NGEF: variants seen among roughly 807,000 people sequenced by gnomAD.
NGEF encodes ephexin-1.
In NGEF, 31 loss-of-function variants were observed where a neutral mutation model predicts 80.9. The observed-to-expected ratio is 0.38, with a 90% CI of 0.29 to 0.52. The LOEUF (loss-of-function observed/expected upper bound fraction) is 0.52. Ranked by LOEUF, NGEF falls within the 20% of genes least tolerant of loss-of-function variation. The pLI is 0.84. For synonymous variants in NGEF, 371 were observed against 370.2 expected, an observed-to-expected ratio of 1.00 and a Z score of -0.03; for missense variants, 709 against 926.2, an observed-to-expected ratio of 0.77 and a Z score of 3.04.
At chr2:232,916,505 C>T (rs914412441) in intron 5 of NGEF, among the ~76,000 whole-genome samples, 1 of 151,756 alleles carries the variant, frequency 6.6e-6, no homozygotes, top group Non-Finnish European at 1.5e-5. Context: ...AAAGCTGCTA[C>T]AAATCAAGAA....
At chr2:232,916,637 C>T (rs895390692) in intron 5 of NGEF, among the ~76,000 whole-genome samples, 4 of 152,118 alleles carry the variant, frequency 2.6e-5, no homozygotes, top group Non-Finnish European at 5.9e-5. Context: ...TCATCAAGAA[C>T]GGGCAGGGTA....
At chr2:232,901,578 C>CAGCCAGTGAGCCCGCCCTTCA in intron 5 of NGEF, 1 of 290,604 alleles carries the variant, frequency 3.4e-6, no homozygotes, top group Non-Finnish European at 5.1e-6. Context: ...GACTGAAGGG[C>CAGCCAGTGAGCCCGCCCTTCA]GGGCTCACTG....
At chr2:232,953,032 A>G (rs902089626) in intron 3 of NGEF, among the ~76,000 whole-genome samples, 30 of 148,592 alleles carry the variant, frequency 2.0e-4, no homozygotes, top group African/African-American at 5.2e-4. Context: ...GGCCAGGCGC[A>G]GTGGCTCACG....
intron 9 of NGEF, among the ~76,000 whole-genome samples, chr2:232,887,153 A>G (rs927790825): frequency 2.0e-5 from 3 of 152,194 alleles, no homozygotes; most frequent in Admixed American, 1.3e-4. Context: ...GAAGTGGAAT[A>G]TGGACATCCC....
intron 5 of NGEF, among the ~76,000 whole-genome samples, chr2:232,899,244 G>A (rs1465520985): frequency 1.3e-5 from 2 of 149,834 alleles, no homozygotes; most frequent in South Asian, 2.1e-4. Context: ...TGAGGGGGGC[G>A]TGTGAACGTA....
chr2:233,006,041 T>C (rs564754939), intron 1 of NGEF, among the ~76,000 whole-genome samples: 2 of 152,194 alleles, frequency 1.3e-5, no homozygotes, highest in Non-Finnish European at 2.9e-5. Flanking sequence ...GGTCTCGAAC[T>C]CTTGACCTCA....
chr2:232,907,159 TAAAAA>T (rs1181408500), intron 5 of NGEF, among the ~76,000 whole-genome samples: 2 of 25,846 alleles, frequency 7.7e-5, no homozygotes, highest in African/African-American at 2.6e-4. Context: ...AATGATCAAT[TAAAAA>T]AAAAAAAAAG....
At chr2:232,960,373 G>C (rs1026788982) in intron 3 of NGEF, among the ~76,000 whole-genome samples, 3 of 152,172 alleles carry the variant, frequency 2.0e-5, no homozygotes, top group Non-Finnish European at 4.4e-5. Flanking sequence ...GACCCCAAGG[G>C]ACTGAGTCAG....
At chr2:232,891,602 A>T in intron 7 of NGEF, 115 bp from the exon 8 acceptor site, 1 of 1,201,338 alleles carries the variant, frequency 8.3e-7, no homozygotes, top group East Asian at 2.5e-5. Context: ...CTCAGAAAAC[A>T]TGTTGATTTC....
chr2:233,009,655 A>C (rs1235775532), intron 1 of NGEF, among the ~76,000 whole-genome samples: 1 of 152,114 alleles, frequency 6.6e-6, no homozygotes, highest in Non-Finnish European at 1.5e-5. Context: ...AAAAAAGTAA[A>C]ACTCCTGGAT....
chr2:233,012,843 G>A, intron 1 of NGEF: 1 of 470,998 alleles, frequency 2.1e-6, no homozygotes, highest in Non-Finnish European at 4.4e-6. Flanking sequence ...TCCTTATCCT[G>A]ATTCCCAGAT....
chr2:233,012,812 T>C (rs113112573), intron 1 of NGEF: 18 of 470,748 alleles, frequency 3.8e-5, no homozygotes, highest in African/African-American at 2.2e-4. Flanking sequence ...ACAGCCATAA[T>C]GGAAGAGCGC....
At chr2:233,005,970 C>T (rs541409345) in intron 1 of NGEF, among the ~76,000 whole-genome samples, 1 of 152,156 alleles carries the variant, frequency 6.6e-6, no homozygotes, top group Non-Finnish European at 1.5e-5. Flanking sequence ...GCACCTGCCA[C>T]CACATCTGGC....
At chr2:232,897,915 G>A (rs1049707932) in intron 5 of NGEF, among the ~76,000 whole-genome samples, 2 of 152,198 alleles carry the variant, frequency 1.3e-5, no homozygotes, top group East Asian at 1.9e-4. Flanking sequence ...CCATCCCCAC[G>A]TCGCATCTGC....
At chr2:232,882,099 C>T in intron 13 of NGEF, 87 bp downstream of exon 13, 2 of 1,268,208 alleles carry the variant, frequency 1.6e-6, no homozygotes, top group Non-Finnish European at 2.3e-6. Flanking sequence ...GAGGGCTTCC[C>T]TCCAGGCAGG....
At chr2:232,979,976 A>G (rs1694376723) in intron 1 of NGEF, among the ~76,000 whole-genome samples, 1 of 151,934 alleles carries the variant, frequency 6.6e-6, no homozygotes, top group Admixed American at 6.6e-5. Context: ...CCACTCTCAG[A>G]GCTGTGATAA....
intron 1 of NGEF, among the ~76,000 whole-genome samples, chr2:232,979,874 A>G (rs1042186025): frequency 6.6e-6 from 1 of 151,490 alleles, no homozygotes; most frequent in African/African-American, 2.4e-5. Context: ...TTTTTACAGC[A>G]ATAGATGAAC....
At chr2:232,964,111 G>A (rs1694009768) in intron 3 of NGEF, among the ~76,000 whole-genome samples, 1 of 152,150 alleles carries the variant, frequency 6.6e-6, no homozygotes, top group East Asian at 1.9e-4. Context: ...AGGATCTGGA[G>A]CAACTGGAAC....
intron 5 of NGEF, among the ~76,000 whole-genome samples, chr2:232,918,631 T>G (rs1692862794): frequency 8.4e-6 from 1 of 118,574 alleles, no homozygotes; most frequent in South Asian, 3.5e-4. Flanking sequence ...TTTCTAAGTT[T>G]TTTTTTTTTT....
Sources: gnomAD v4.1 joint callset for allele counts (sites outside exome capture counted in the v4.1 genomes callset) on GRCh38, gnomAD v4.1.1 for gene constraint, MANE v1.5 for transcripts, NCBI Gene and HGNC (gene_info 2026-07-23, HGNC 2026-07-21) for gene names.